The following LGR4 variants were observed in gnomAD, a reference collection of about 807,000 sequenced individuals.
LGR4 encodes leucine-rich repeat-containing G protein-coupled receptor 4.
In LGR4, 44 loss-of-function variants were observed where a neutral mutation model predicts 84.8. The ratio of observed to expected loss-of-function variants is 0.52; its 90% confidence interval spans 0.41 to 0.67. The LOEUF (loss-of-function observed/expected upper bound fraction) is 0.67. LGR4 is among the 30% of genes least tolerant of loss of function. LGR4 has a pLI of 0.00. For missense variants in LGR4, 1,032 were observed against 1,131.4 expected, an observed-to-expected ratio of 0.91 and a Z score of 1.26; for synonymous variants, 429 against 434.3, an observed-to-expected ratio of 0.99 and a Z score of 0.15.
At chr11:27,387,410 C>T (rs938755010) in intron 4 of LGR4, among the ~76,000 whole-genome samples, 4 of 152,158 alleles carry the variant, frequency 2.6e-5, no homozygotes, top group African/African-American at 9.7e-5. Flanking sequence ...AGGGTAGTTA[C>T]TCAAAACGCA....
chr11:27,456,020 T>C lies in LGR4; in HGVS notation c.185+16098A>G, dbSNP rs776974506. Among the ~76,000 whole-genome samples, 120 of 152,324 alleles carry C rather than the reference T, an allele frequency of 7.9e-4. 1 individual carries two copies. The highest frequency in any genetic ancestry group is 1.0e-3 in the South Asian group (5 of 4,834). On this transcript the variant is annotated intron_variant, in intron 1 of 17. Coordinates refer to ENST00000379214, the MANE Select transcript of LGR4 (RefSeq NM_018490.5). ...TAAGTTAATAACAAGAGGATGGTGA[T>C]GATATTATCTGAATGGCAGGACAGA...
At chr11:27,449,123 C>A (rs1321304883) in intron 1 of LGR4, among the ~76,000 whole-genome samples, 1 of 152,152 alleles carries the variant, frequency 6.6e-6, no homozygotes, top group Admixed American at 6.5e-5. Context: ...AGAGAACATG[C>A]TGCCCATCAT....
intron 9 of LGR4, 63 bp from the exon 10 acceptor site, chr11:27,380,402 C>T (rs1020634114): frequency 1.0e-5 from 13 of 1,248,040 alleles, no homozygotes; most frequent in Non-Finnish European, 1.2e-5. Context: ...ATGTTTTAAA[C>T]AGTTTAAAAT....
intron 1 of LGR4, among the ~76,000 whole-genome samples, chr11:27,463,332 C>T (rs1447378401): frequency 6.6e-6 from 1 of 151,670 alleles, no homozygotes; most frequent in African/African-American, 2.4e-5. Context: ...ACTTGGAGAA[C>T]GGAAGGCCAA....
intron 1 of LGR4, among the ~76,000 whole-genome samples, chr11:27,439,288 T>C (rs1245402336): frequency 6.6e-6 from 1 of 152,204 alleles, no homozygotes; most frequent in African/African-American, 2.4e-5. Context: ...TTGACTACTC[T>C]AAGTACCTAT....
chr11:27,419,542 T>C (rs546494937), intron 1 of LGR4, among the ~76,000 whole-genome samples: 40 of 149,754 alleles, frequency 2.7e-4, no homozygotes, highest in Admixed American at 1.0e-3. Flanking sequence ...TATGACTATA[T>C]GACCCAGCAA....
chr11:27,407,421 A>G (rs1265685129), intron 2 of LGR4, among the ~76,000 whole-genome samples: 2 of 152,108 alleles, frequency 1.3e-5, no homozygotes, highest in Non-Finnish European at 2.9e-5. Context: ...CTTTTACTCT[A>G]TGAGCACAGT....
chr11:27,424,562 C>G (rs970403909), intron 1 of LGR4, among the ~76,000 whole-genome samples: 2 of 152,144 alleles, frequency 1.3e-5, no homozygotes, highest in Non-Finnish European at 2.9e-5. Flanking sequence ...TCACCTAAAA[C>G]CAGAATGCAA....
At chr11:27,449,957 G>A (rs944145470) in intron 1 of LGR4, among the ~76,000 whole-genome samples, 1 of 152,194 alleles carries the variant, frequency 6.6e-6, no homozygotes, top group Non-Finnish European at 1.5e-5. Flanking sequence ...AGAAGCTGAT[G>A]ATTTGAGGCA....
chr11:27,387,624 A>G (rs575716515), intron 4 of LGR4, among the ~76,000 whole-genome samples: 1 of 152,268 alleles, frequency 6.6e-6, no homozygotes, highest in African/African-American at 2.4e-5. Context: ...GGAGGGGAGT[A>G]GAGGGACCAG....
At chr11:27,395,454 C>T (rs1002502449) in intron 2 of LGR4, among the ~76,000 whole-genome samples, 1 of 152,106 alleles carries the variant, frequency 6.6e-6, no homozygotes, top group Non-Finnish European at 1.5e-5. Context: ...CCACATTAGC[C>T]AAAATATTTG....
intron 1 of LGR4, among the ~76,000 whole-genome samples, chr11:27,429,002 T>C (rs1864071348): frequency 6.6e-6 from 1 of 152,142 alleles, no homozygotes; most frequent in Non-Finnish European, 1.5e-5. Context: ...GGTCATGTGA[T>C]GTTATCCAGC....
At chr11:27,376,814 A>G (rs771607236) in intron 12 of LGR4, among the ~76,000 whole-genome samples, 17 of 152,196 alleles carry the variant, frequency 1.1e-4, no homozygotes, top group African/African-American at 3.9e-4. Context: ...CCATCTCCCA[A>G]CCAGCTTCCA....
intron 1 of LGR4, among the ~76,000 whole-genome samples, chr11:27,448,250 T>G (rs1001976723): frequency 6.6e-6 from 1 of 152,128 alleles, no homozygotes; most frequent in Non-Finnish European, 1.5e-5. Context: ...CATGTTTAAA[T>G]TAGAATAAAT....
chr11:27,459,958 A>G (rs1037795380), intron 1 of LGR4, among the ~76,000 whole-genome samples: 8 of 152,012 alleles, frequency 5.3e-5, no homozygotes, highest in African/African-American at 1.9e-4. Flanking sequence ...AAGTGTGATG[A>G]CATGTGCCTG....
At chr11:27,437,506 GA>G (rs1384315511) in intron 1 of LGR4, among the ~76,000 whole-genome samples, 1 of 152,044 alleles carries the variant, frequency 6.6e-6, no homozygotes, top group African/African-American at 2.4e-5. Flanking sequence ...GAGAAGGAGT[GA>G]CTATTTTTAT....
At chr11:27,441,250 T>G (rs574726857) in intron 1 of LGR4, among the ~76,000 whole-genome samples, 1 of 151,814 alleles carries the variant, frequency 6.6e-6, no homozygotes, top group Admixed American at 6.5e-5. Context: ...GATCACACAG[T>G]GCCATAATGG....
intron 2 of LGR4, among the ~76,000 whole-genome samples, chr11:27,404,037 A>G (rs1049681783): frequency 1.3e-5 from 2 of 152,220 alleles, no homozygotes; most frequent in African/African-American, 2.4e-5. Flanking sequence ...AGAGTGGTCA[A>G]TGTATGAAAG....
Position 27,374,054 on chromosome 11 carries a change from T to C in LGR4, c.1182-8A>G. 6.3e-7 allele frequency: 1 copy of C among 1,586,116 alleles called. No individual in the cohort carries two copies. The highest frequency in any genetic ancestry group is 1.1e-5 in the South Asian group (1 of 90,472). On this transcript the variant is annotated splice_region_variant and splice_polypyrimidine_tract_variant and intron_variant, in intron 13 of 17. Coordinates refer to ENST00000379214, the MANE Select transcript of LGR4 (RefSeq NM_018490.5). The stretch of plus-strand genomic sequence containing the variant: ...AGGTTTCTACTCAGATCTCTGCAAT[T>C]ATAAGAGTAACATGTTAATCTTTCA...
Sources: allele counts gnomAD v4.1 joint callset (sites outside exome capture counted in the v4.1 genomes callset), GRCh38; gene constraint gnomAD v4.1.1; transcripts MANE v1.5; gene names NCBI Gene and HGNC (gene_info 2026-07-23, HGNC 2026-07-21).